Variants in RUNX2 observed in about 807,000 individuals in gnomAD.
The protein encoded by RUNX2 is runt-related transcription factor 2.
RUNX2 carries 10 observed loss-of-function variants against 51.7 expected under a neutral mutation model. That is an observed-to-expected ratio of 0.19 (90% confidence interval 0.12 to 0.33). The LOEUF (loss-of-function observed/expected upper bound fraction) is 0.33, where lower values mean the gene tolerates loss of function less well. Among genes scored for constraint, RUNX2 ranks in the 10% least tolerant of loss-of-function variants. The probability of loss-of-function intolerance (pLI) is 1.00; values close to 1 mark genes in which losing one functional copy is unlikely to be tolerated. For missense variants in RUNX2, 562 were observed against 691.3 expected, an observed-to-expected ratio of 0.81 and a Z score of 2.10; for synonymous variants, 276 against 273.6, an observed-to-expected ratio of 1.01 and a Z score of -0.09.
chr6:45,338,610 T>C (rs1562978692), intron 2 of RUNX2, among the ~76,000 whole-genome samples: 3 of 152,150 alleles, frequency 2.0e-5, no homozygotes, highest in Non-Finnish European at 2.9e-5. Context: ...TGAGGGTTAC[T>C]GACCATGTGA....
At chr6:45,500,994 A>G (rs1370856285) in intron 6 of RUNX2, among the ~76,000 whole-genome samples, 2 of 152,208 alleles carry the variant, frequency 1.3e-5, no homozygotes, top group South Asian at 2.1e-4. Context: ...TAAGAGGGAA[A>G]TTTAACGGGG....
At chr6:45,489,544 A>C (rs149528065) in intron 5 of RUNX2, among the ~76,000 whole-genome samples, 1 of 152,362 alleles carries the variant, frequency 6.6e-6, no homozygotes, top group East Asian at 1.9e-4. Flanking sequence ...TAAAGGAACC[A>C]TGCAAGATCA....
chr6:45,414,379 A>AT (rs922187563), intron 2 of RUNX2, among the ~76,000 whole-genome samples: 3 of 151,946 alleles, frequency 2.0e-5, no homozygotes, highest in African/African-American at 7.3e-5. Context: ...GTTCCAACAC[A>AT]TTTTTTTCCC....
intron 2 of RUNX2, among the ~76,000 whole-genome samples, chr6:45,330,635 G>C: frequency 6.6e-6 from 1 of 151,850 alleles, no homozygotes; most frequent in East Asian, 1.9e-4. Flanking sequence ...TCATAACAGG[G>C]ATCTTATACT....
intron 4 of RUNX2, 120 bp downstream of exon 4, chr6:45,432,139 T>G: frequency 1.1e-6 from 1 of 949,360 alleles, no homozygotes. Flanking sequence ...TACTGAAGAT[T>G]TGATTTAAAT....
intron 2 of RUNX2, among the ~76,000 whole-genome samples, chr6:45,368,330 A>G (rs1222120530): frequency 6.6e-6 from 1 of 152,178 alleles, no homozygotes; most frequent in Non-Finnish European, 1.5e-5. Context: ...TAATATTATA[A>G]CACACCTGTA....
intron 3 of RUNX2, among the ~76,000 whole-genome samples, chr6:45,423,999 A>T (rs1279509817): frequency 6.6e-6 from 1 of 152,242 alleles, no homozygotes; most frequent in Non-Finnish European, 1.5e-5. Context: ...CTTTATTATT[A>T]TTTTTAAAGG....
chr6:45,530,690 G>T (rs1053015703), intron 7 of RUNX2, among the ~76,000 whole-genome samples: 1 of 152,204 alleles, frequency 6.6e-6, no homozygotes, highest in Non-Finnish European at 1.5e-5. Flanking sequence ...CATCTTAGGA[G>T]GGCACCTTGA....
intron 5 of RUNX2, among the ~76,000 whole-genome samples, chr6:45,489,949 C>T (rs1295835131): frequency 6.6e-6 from 1 of 152,140 alleles, no homozygotes; most frequent in Non-Finnish European, 1.5e-5. Flanking sequence ...AGGTGTTTCA[C>T]TCTATATGAT....
At chr6:45,384,166 A>G (rs1797299194) in intron 2 of RUNX2, among the ~76,000 whole-genome samples, 1 of 152,220 alleles carries the variant, frequency 6.6e-6, no homozygotes, top group South Asian at 2.1e-4. Flanking sequence ...TACTTAATGT[A>G]GGAAGGTTGA....
intron 5 of RUNX2, among the ~76,000 whole-genome samples, chr6:45,452,185 T>C (rs2677099): frequency 0.73 from 111,736 of 152,216 alleles, 41,927 homozygotes; most frequent in East Asian, 0.95. Flanking sequence ...TTCCTCCCTA[T>C]GGGGAGAAAT....
chr6:45,408,219 G>A (rs781286776), intron 2 of RUNX2, among the ~76,000 whole-genome samples: 4 of 151,932 alleles, frequency 2.6e-5, no homozygotes, highest in Non-Finnish European at 4.4e-5. Context: ...AGGCTGGAGT[G>A]TAGTGGCATG....
At chr6:45,482,810 A>G (rs180845726) in intron 5 of RUNX2, among the ~76,000 whole-genome samples, 1 of 152,282 alleles carries the variant, frequency 6.6e-6, no homozygotes, top group African/African-American at 2.4e-5. Context: ...CACCCAAGAG[A>G]CTGGAAAGGC....
At chr6:45,383,394 G>A (rs969553357) in intron 2 of RUNX2, among the ~76,000 whole-genome samples, 2 of 152,014 alleles carry the variant, frequency 1.3e-5, no homozygotes, top group African/African-American at 2.4e-5. Flanking sequence ...CCAAGATAGC[G>A]CCACCGCACT....
At chr6:45,379,280 G>T (rs190994835) in intron 2 of RUNX2, among the ~76,000 whole-genome samples, 10 of 152,184 alleles carry the variant, frequency 6.6e-5, no homozygotes, top group African/African-American at 9.6e-5. Context: ...CAGTATAAGG[G>T]AAAGTAACAG....
chr6:45,437,400 C>T (rs1159627803), intron 4 of RUNX2, among the ~76,000 whole-genome samples: 1 of 152,126 alleles, frequency 6.6e-6, no homozygotes. Flanking sequence ...CACATTACGG[C>T]CAGGACAGGA....
chr6:45,528,565 G>A (rs1338720514), intron 7 of RUNX2, among the ~76,000 whole-genome samples: 2 of 152,096 alleles, frequency 1.3e-5, no homozygotes, highest in Non-Finnish European at 2.9e-5. Context: ...AGGTTGCAGT[G>A]AGCCTAGCTT....
At chr6:45,545,122 C>G (rs1265233026) in intron 7 of RUNX2, 95 bp from the exon 8 acceptor site, 12 of 1,025,776 alleles carry the variant, frequency 1.2e-5, no homozygotes, top group Admixed American at 2.0e-5. Context: ...CTACCCCTCC[C>G]CTAAGGCTGT....
At chr6:45,434,128 A>C (rs1267610038) in intron 4 of RUNX2, among the ~76,000 whole-genome samples, 2 of 152,190 alleles carry the variant, frequency 1.3e-5, no homozygotes, top group Non-Finnish European at 2.9e-5. Flanking sequence ...CATTGTATGA[A>C]AGGAAACAGT....
Sources: gnomAD v4.1 joint callset for allele counts (sites outside exome capture counted in the v4.1 genomes callset) on GRCh38, gnomAD v4.1.1 for gene constraint, MANE v1.5 for transcripts, NCBI Gene and HGNC (gene_info 2026-07-23, HGNC 2026-07-21) for gene names.